The following TYW1 variants were observed in gnomAD, a reference collection of about 807,000 sequenced individuals.
TYW1 encodes the protein tRNA-yW synthesizing protein 1 homolog.
TYW1 carries 46 observed loss-of-function variants against 96.2 expected under a neutral mutation model. That is an observed-to-expected ratio of 0.48 (90% CI 0.38 to 0.61). The LOEUF (loss-of-function observed/expected upper bound fraction) is 0.61. Ranked by LOEUF, TYW1 falls within the 20% of genes least tolerant of loss-of-function variation. The probability of loss-of-function intolerance (pLI) is 0.00; values close to 1 mark genes in which losing one functional copy is unlikely to be tolerated. For synonymous variants in TYW1, 274 were observed against 323.0 expected (o/e 0.85, Z 1.63); for missense variants, 684 against 909.6 (o/e 0.75, Z 3.19).
intron 3 of TYW1, among the ~76,000 whole-genome samples, chr7:67,008,194 G>C (rs1793669380): frequency 6.6e-6 from 1 of 152,164 alleles, no homozygotes; most frequent in African/African-American, 2.4e-5. Context: ...TGGAGGGGTG[G>C]GGGTTGAGCA....
rs146891577 is a variant in TYW1, at chr7:67,203,103, G to T, written c.1977+7766G>T. On this transcript the variant is annotated intron_variant, in intron 15 of 15. Coordinates refer to ENST00000359626, the MANE Select transcript of TYW1 (RefSeq NM_018264.4). ...TAGAAAACTGTTCTATCACCACAAAGATCTTTCTCATGCTATTCCTTTGTA... is the reference window on the plus strand; with the variant it reads ...TAGAAAACTGTTCTATCACCACAAATATCTTTCTCATGCTATTCCTTTGTA... Among the ~76,000 whole-genome samples the T allele has an allele frequency of 4.0e-3, 604 of 152,322 alleles. 4 individuals carry two copies. The highest frequency in any genetic ancestry group is 6.8e-3 in the Non-Finnish European group (460 of 68,020).
chr7:67,162,019 G>T (rs1270349295), intron 13 of TYW1, among the ~76,000 whole-genome samples: 18 of 152,072 alleles, frequency 1.2e-4, no homozygotes, highest in Non-Finnish European at 2.4e-4. Context: ...ATTCTGGACC[G>T]GGCGCAGTGG....
intron 9 of TYW1, among the ~76,000 whole-genome samples, chr7:67,066,799 G>T (rs1226438829): frequency 6.6e-6 from 1 of 152,200 alleles, no homozygotes; most frequent in Non-Finnish European, 1.5e-5. Context: ...AGTGAGCTAT[G>T]ATTGTACCAC....
At chr7:67,194,591 T>C (rs1584680759) in intron 14 of TYW1, among the ~76,000 whole-genome samples, 1 of 151,912 alleles carries the variant, frequency 6.6e-6, no homozygotes, top group African/African-American at 2.4e-5. Flanking sequence ...GCCACTGCAC[T>C]CCAGCCTAGG....
At chr7:67,076,458 A>T (rs1231999627) in intron 10 of TYW1, among the ~76,000 whole-genome samples, 1 of 152,180 alleles carries the variant, frequency 6.6e-6, no homozygotes, top group East Asian at 1.9e-4. Context: ...AACCTTAAAT[A>T]GGAGAATTTT....
At chr7:67,236,995 C>T (rs1258922215) in intron 15 of TYW1, among the ~76,000 whole-genome samples, 4 of 152,128 alleles carry the variant, frequency 2.6e-5, no homozygotes, top group Non-Finnish European at 5.9e-5. Context: ...AAGCGATTCT[C>T]CTGCCTCAGC....
chr7:67,235,283 C>G (rs1285429915), intron 15 of TYW1, among the ~76,000 whole-genome samples: 1 of 152,170 alleles, frequency 6.6e-6, no homozygotes, highest in Non-Finnish European at 1.5e-5. Flanking sequence ...GCTATACATG[C>G]TATGTTGTAT....
At chr7:67,118,135 G>A (rs1165694080) in intron 13 of TYW1, among the ~76,000 whole-genome samples, 1 of 152,098 alleles carries the variant, frequency 6.6e-6, no homozygotes, top group Non-Finnish European at 1.5e-5. Flanking sequence ...GACCAGCCTG[G>A]CCAACATGGT....
intron 7 of TYW1, 134 bp from the exon 8 acceptor site, chr7:67,049,814 TG>T: frequency 9.6e-7 from 1 of 1,044,332 alleles, no homozygotes; most frequent in South Asian, 1.7e-5. Flanking sequence ...CCTAAAATGC[TG>T]GGATTACAGG....
chr7:67,025,556 A>C (rs1794422513), intron 7 of TYW1, among the ~76,000 whole-genome samples: 1 of 152,000 alleles, frequency 6.6e-6, no homozygotes, highest in African/African-American at 2.4e-5. Flanking sequence ...CTCCAGTGTA[A>C]ATTTGCTTCT....
At chr7:67,237,987 A>G (rs1801947779) in intron 15 of TYW1, among the ~76,000 whole-genome samples, 1 of 152,114 alleles carries the variant, frequency 6.6e-6, no homozygotes, top group Non-Finnish European at 1.5e-5. Flanking sequence ...AATTAGAATG[A>G]GTTTGAATTA....
chr7:67,155,740 T>A (rs1260247896), intron 13 of TYW1, among the ~76,000 whole-genome samples: 1 of 152,166 alleles, frequency 6.6e-6, no homozygotes, highest in East Asian at 1.9e-4. Context: ...TCTTTTATAG[T>A]GGTGCAAATG....
intron 11 of TYW1, among the ~76,000 whole-genome samples, chr7:67,093,519 C>T (rs1796787558): frequency 6.6e-6 from 1 of 152,128 alleles, no homozygotes; most frequent in Admixed American, 6.5e-5. Context: ...TTCAACCTGC[C>T]TTTCTACTCA....
chr7:67,094,515 A>G (rs1462474957), intron 11 of TYW1, among the ~76,000 whole-genome samples: 1 of 152,196 alleles, frequency 6.6e-6, no homozygotes, highest in Non-Finnish European at 1.5e-5. Flanking sequence ...CATTCTGACT[A>G]GTATAAGATG....
At chr7:67,003,336 G>C (rs1035295751) in intron 3 of TYW1, among the ~76,000 whole-genome samples, 59 of 151,864 alleles carry the variant, frequency 3.9e-4, no homozygotes, top group African/African-American at 1.4e-3. Context: ...AGCAGATTCT[G>C]TTTGTTCTAC....
intron 15 of TYW1, among the ~76,000 whole-genome samples, chr7:67,207,623 A>C (rs1800846100): frequency 2.0e-5 from 3 of 151,678 alleles, no homozygotes; most frequent in Non-Finnish European, 2.9e-5. Flanking sequence ...TACAAAGTAG[A>C]ACATTGAAAA....
chr7:67,208,550 C>T (rs1349880243), intron 15 of TYW1, among the ~76,000 whole-genome samples: 14 of 151,270 alleles, frequency 9.3e-5, no homozygotes, highest in African/African-American at 3.4e-4. Flanking sequence ...ATTAACCAGG[C>T]GTGGTGGCGC....
In TYW1 at chr7:67,002,935, G is replaced by A. The variant is rs542113465; in HGVS notation, c.273+3981G>A. 1.3e-3 allele frequency among the ~76,000 whole-genome samples: 188 copies of A among 150,196 alleles called. 1 individual carries two copies. The highest frequency in any genetic ancestry group is 4.5e-3 in the African/African-American group (182 of 40,832). ...GTGGCATTGGCCTCCCAAAGTGCTG[G>A]GATTTTTGTATTTTTAGTGGAGACG... On this transcript the variant is annotated intron_variant, in intron 3 of 15. Transcript: ENST00000359626.
At chr7:67,201,090 A>G (rs1800583858) in intron 15 of TYW1, among the ~76,000 whole-genome samples, 1 of 151,988 alleles carries the variant, frequency 6.6e-6, no homozygotes, top group Admixed American at 6.6e-5. Context: ...GCCACAGTGA[A>G]GATTTGTGTT....
Sources: gnomAD v4.1 joint callset for allele counts (sites outside exome capture counted in the v4.1 genomes callset) on GRCh38, gnomAD v4.1.1 for gene constraint, MANE v1.5 for transcripts, NCBI Gene and HGNC (gene_info 2026-07-23, HGNC 2026-07-21) for gene names.